Variants in WWTR1 observed in about 807,000 individuals in gnomAD.
WWTR1 encodes the protein WW domain-containing transcription regulator protein 1.
A neutral mutation model predicts 40.1 loss-of-function variants in WWTR1; 13 were observed. That is an observed-to-expected ratio of 0.32 (90% confidence interval 0.21 to 0.52). WWTR1 has a LOEUF of 0.52. Among genes scored for constraint, WWTR1 ranks in the 20% least tolerant of loss-of-function variants. The pLI is 0.97. For synonymous variants in WWTR1, 230 were observed against 210.1 expected, an observed-to-expected ratio of 1.09 and a Z score of -0.82; for missense variants, 436 against 523.1, an observed-to-expected ratio of 0.83 and a Z score of 1.63.
chr3:149,639,790 G>A (rs1464944820), intron 2 of WWTR1, among the ~76,000 whole-genome samples: 2 of 151,864 alleles, frequency 1.3e-5, no homozygotes, highest in African/African-American at 2.4e-5. Flanking sequence ...TCAGGAGATC[G>A]AGACCATCCT....
At chr3:149,706,809 T>C (rs974874782), upstream of WWTR1, among the ~76,000 whole-genome samples, 25 of 152,182 alleles carry the variant, frequency 1.6e-4, no homozygotes, top group African/African-American at 5.5e-4. Flanking sequence ...AGGAAACCTT[T>C]TAAGAAAAGG....
chr3:149,550,419 A>G (rs1335240815), intron 3 of WWTR1, among the ~76,000 whole-genome samples: 3 of 152,204 alleles, frequency 2.0e-5, no homozygotes, highest in Non-Finnish European at 2.9e-5. Flanking sequence ...AAAGAGATAT[A>G]TGAATTCAAC....
intron 2 of WWTR1, among the ~76,000 whole-genome samples, chr3:149,625,883 C>T (rs1410324624): frequency 1.3e-5 from 2 of 152,126 alleles, no homozygotes; most frequent in Non-Finnish European, 2.9e-5. Flanking sequence ...AAAGCCCTGA[C>T]TCAAACCAAA....
At chr3:149,656,814 C>CACAA (rs1713252605) in intron 2 of WWTR1, 62 bp downstream of exon 2, 3 of 1,402,336 alleles carry the variant, frequency 2.1e-6, no homozygotes, top group Non-Finnish European at 2.8e-6. Flanking sequence ...CACACACACA[C>CACAA]GAACACACGC....
At chr3:149,611,611 A>G (rs754341554) in intron 2 of WWTR1, among the ~76,000 whole-genome samples, 1 of 152,180 alleles carries the variant, frequency 6.6e-6, no homozygotes, top group Admixed American at 6.5e-5. Flanking sequence ...TGGGAAAATC[A>G]TATTGTGAGG....
At chr3:149,676,137 A>G (rs1714250254) in intron 1 of WWTR1, among the ~76,000 whole-genome samples, 1 of 152,186 alleles carries the variant, frequency 6.6e-6, no homozygotes. Flanking sequence ...ACCAGGGGGA[A>G]AAAATCACAA....
At chr3:149,614,412 T>C (rs543343415) in intron 2 of WWTR1, among the ~76,000 whole-genome samples, 2 of 152,298 alleles carry the variant, frequency 1.3e-5, no homozygotes, top group East Asian at 1.9e-4. Flanking sequence ...TTAGGAGCAA[T>C]AGGCTATGCA....
At chr3:149,561,344 T>C (rs998028685) in intron 3 of WWTR1, among the ~76,000 whole-genome samples, 2 of 152,126 alleles carry the variant, frequency 1.3e-5, no homozygotes, top group African/African-American at 4.8e-5. Flanking sequence ...AAGAACATAC[T>C]GAGAATCTAG....
intron 3 of WWTR1, among the ~76,000 whole-genome samples, chr3:149,560,962 C>G (rs1007089861): frequency 1.3e-5 from 2 of 151,718 alleles, no homozygotes; most frequent in African/African-American, 4.8e-5. Flanking sequence ...TAACACCCCC[C>G]CCCGCAAAAA....
intron 2 of WWTR1, among the ~76,000 whole-genome samples, chr3:149,596,332 T>G (rs1240288864): frequency 6.6e-6 from 1 of 152,204 alleles, no homozygotes; most frequent in African/African-American, 2.4e-5. Flanking sequence ...CCTTCAGGAA[T>G]TCATTTTTCT....
intron 1 of WWTR1, 50 bp from the exon 2 acceptor site, chr3:149,657,359 G>A (rs1165899746): frequency 6.5e-7 from 1 of 1,542,434 alleles, no homozygotes; most frequent in Admixed American, 1.9e-5. Flanking sequence ...GGAGGAAGTG[G>A]GTAAGAGGGT....
chr3:149,569,556 C>G (rs1486895495), intron 3 of WWTR1, among the ~76,000 whole-genome samples: 2 of 152,130 alleles, frequency 1.3e-5, no homozygotes, highest in African/African-American at 4.8e-5. Flanking sequence ...CAGAAACATA[C>G]AGGGACCAAA....
intron 3 of WWTR1, among the ~76,000 whole-genome samples, chr3:149,548,067 T>C (rs1158468129): frequency 1.0e-5 from 1 of 100,250 alleles, no homozygotes; most frequent in Non-Finnish European, 2.0e-5. Flanking sequence ...GGGCGGGGGG[T>C]GGGGTTATTT....
intron 4 of WWTR1, among the ~76,000 whole-genome samples, chr3:149,531,517 A>G (rs1384377538): frequency 6.7e-6 from 1 of 148,294 alleles, no homozygotes; most frequent in African/African-American, 2.5e-5. Flanking sequence ...CCCCTCCTTC[A>G]CCCCCTTCCA....
At chr3:149,706,112 C>T (rs1349043412), upstream of WWTR1, among the ~76,000 whole-genome samples, 1 of 152,088 alleles carries the variant, frequency 6.6e-6, no homozygotes, top group Non-Finnish European at 1.5e-5. Context: ...AGGAGGATTG[C>T]TTGTGCCTGG....
intron 2 of WWTR1, among the ~76,000 whole-genome samples, chr3:149,584,297 G>A (rs1162090437): frequency 6.6e-6 from 1 of 152,198 alleles, no homozygotes; most frequent in Non-Finnish European, 1.5e-5. Flanking sequence ...TTTTGGGTTA[G>A]GCTAGCTTCT....
At chr3:149,528,393 T>G (rs1251818009) in intron 4 of WWTR1, among the ~76,000 whole-genome samples, 1 of 152,234 alleles carries the variant, frequency 6.6e-6, no homozygotes, top group Non-Finnish European at 1.5e-5. Context: ...TACAGGCCAG[T>G]AAAACTGTGG....
intron 3 of WWTR1, among the ~76,000 whole-genome samples, chr3:149,568,725 A>T (rs1380712830): frequency 6.6e-6 from 1 of 152,112 alleles, no homozygotes; most frequent in Non-Finnish European, 1.5e-5. Context: ...ATATGGTTTG[A>T]TTTACAAGTC....
At chr3:149,564,771 CA>C (rs1050238686) in intron 3 of WWTR1, among the ~76,000 whole-genome samples, 2 of 151,798 alleles carry the variant, frequency 1.3e-5, no homozygotes, top group African/African-American at 4.8e-5. Flanking sequence ...ATGTGTTTTT[CA>C]AAAAAATAGA....
Sources: allele counts gnomAD v4.1 joint callset (sites outside exome capture counted in the v4.1 genomes callset), GRCh38; gene constraint gnomAD v4.1.1; transcripts MANE v1.5; gene names NCBI Gene and HGNC (gene_info 2026-07-23, HGNC 2026-07-21).